The following LPIN2 variants were observed in gnomAD, a reference collection of about 807,000 sequenced individuals.
LPIN2 encodes the protein lipin 2, also known as phosphatidate phosphatase LPIN2.
A neutral mutation model predicts 111.4 loss-of-function variants in LPIN2; 55 were observed. The ratio of observed to expected loss-of-function variants is 0.49; its 90% CI spans 0.40 to 0.62. The LOEUF (loss-of-function observed/expected upper bound fraction) is 0.62, where lower values mean the gene tolerates loss of function less well. Among genes scored for constraint, LPIN2 ranks in the 20% least tolerant of loss-of-function variants. The pLI, the probability that LPIN2 is intolerant of heterozygous loss-of-function variation, is 0.00. For missense variants in LPIN2, 992 were observed against 1,112.1 expected (o/e 0.89, Z 1.54); for synonymous variants, 425 against 414.0 (o/e 1.03, Z -0.32).
intron 4 of LPIN2, among the ~76,000 whole-genome samples, chr18:2,944,178 C>T (rs2077409282): frequency 6.6e-6 from 1 of 151,010 alleles, no homozygotes; most frequent in Non-Finnish European, 1.5e-5. Context: ...ATAAATAAAG[C>T]ACAATATATA....
intron 1 of LPIN2, among the ~76,000 whole-genome samples, chr18:2,998,892 C>T (rs650787): frequency 6.6e-6 from 1 of 152,172 alleles, no homozygotes; most frequent in Non-Finnish European, 1.5e-5. Flanking sequence ...TAGAAACAAA[C>T]CAAGAGTGAA....
intron 4 of LPIN2, chr18:2,946,209 G>A: frequency 6.2e-7 from 1 of 1,606,836 alleles, no homozygotes; most frequent in African/African-American, 1.3e-5. Flanking sequence ...GGTTCATCTG[G>A]GCTTGGTCTT....
intron 3 of LPIN2, among the ~76,000 whole-genome samples, chr18:2,951,702 G>A (rs1367557745): frequency 1.3e-5 from 2 of 152,140 alleles, no homozygotes; most frequent in Admixed American, 6.5e-5. Flanking sequence ...AATCTCAGGA[G>A]GTGTTACAAA....
At chr18:2,999,038 A>G (rs935558443) in intron 1 of LPIN2, among the ~76,000 whole-genome samples, 4 of 152,238 alleles carry the variant, frequency 2.6e-5, no homozygotes, top group African/African-American at 9.6e-5. Flanking sequence ...ATTAGTGAAG[A>G]TAGGTGTAAC....
Position 2,917,137 on chromosome 18 carries a change from G to A in LPIN2, c.*3156C>T, listed in dbSNP as rs1186993422. The A allele has an allele frequency of 6.6e-6, 1 of 152,088 alleles. No homozygotes were observed. The highest frequency in any genetic ancestry group is 2.4e-5 in the African/African-American group (1 of 41,388). The allele number at this position is 152,088 out of a possible 1,614,324, so 9.4% of individuals were successfully genotyped here. On this transcript the variant is annotated 3_prime_UTR_variant, in exon 20 of 20. Transcript: ENST00000677752. ...ACTGATGATGTTTACAATTAACTTT[G>A]GACAACTTAAAACTTATTAGTGACA...
chr18:2,931,505 T>G, intron 8 of LPIN2, 62 bp from the exon 9 acceptor site: 1 of 1,500,244 alleles, frequency 6.7e-7, no homozygotes, highest in African/African-American at 1.4e-5. Flanking sequence ...CCTAGTTTAC[T>G]GCATGGTTCT....
intron 2 of LPIN2, among the ~76,000 whole-genome samples, chr18:2,955,529 C>G (rs573220288): frequency 8.6e-4 from 131 of 152,172 alleles, no homozygotes; most frequent in Non-Finnish European, 7.3e-4. Flanking sequence ...CCACCAGGCT[C>G]ACCTCTAACA....
At position 2,925,481 on chromosome 18, in the gene LPIN2, A is replaced by G; in HGVS notation, c.1794-113T>C. 7.2e-7 allele frequency: 1 copy of G among 1,398,146 alleles called. No homozygotes were observed. The highest frequency in any genetic ancestry group is 1.0e-6 in the Non-Finnish European group (1 of 999,750). 86.6% of individuals were successfully genotyped at this position (1,398,146 alleles called of 1,614,324 possible). Reference sequence around the variant, plus strand: ...TCCTAAATCTTTTCTAGGAATGGGTAGAGTTATCCCTTCTGCCATTCTCCC... The same window carrying G: ...TCCTAAATCTTTTCTAGGAATGGGTGGAGTTATCCCTTCTGCCATTCTCCC... On this transcript the variant is annotated intron_variant, in intron 13 of 19. Coordinates refer to ENST00000677752, the MANE Select transcript of LPIN2 (RefSeq NM_001375808.2). The surrounding 1 kb of genome is among the most constrained non-coding windows in gnomAD (Gnocchi z 4.1).
intron 6 of LPIN2, among the ~76,000 whole-genome samples, 154 bp from the exon 7 acceptor site, chr18:2,938,191 A>G (rs2077317574): frequency 6.6e-6 from 1 of 152,206 alleles, no homozygotes; most frequent in African/African-American, 2.4e-5. Context: ...ATAAAGTGAG[A>G]AAAACTAATA....
rs547702278 is a variant in LPIN2 at position 2,960,060 on chromosome 18, C to T, written c.192+589G>A. On this transcript the variant is annotated intron_variant, in intron 2 of 19. Transcript: ENST00000677752. ...TTGCACGTGCCTGTAATCCCAGGCA[C>T]TTGGGAGGCTGAGGCAGGAGAATCG... 4.6e-5 allele frequency among the ~76,000 whole-genome samples: 7 copies of T among 152,098 alleles called. No individual in the cohort carries two copies. The South Asian group carries it at 1.5e-3, about 32-fold the overall frequency.
At chr18:2,923,594 C>T (rs1016207932) in intron 16 of LPIN2, among the ~76,000 whole-genome samples, 181 bp downstream of exon 16, 1 of 152,114 alleles carries the variant, frequency 6.6e-6, no homozygotes, top group South Asian at 2.1e-4. Flanking sequence ...GACACAGGTT[C>T]GATGCCAATG....
At chr18:2,945,739 C>T (rs1739244862) in intron 4 of LPIN2, 1 of 1,199,122 alleles carries the variant, frequency 8.3e-7, no homozygotes, top group Admixed American at 1.7e-5. Context: ...CCTTCAAATA[C>T]AATATGCGCA....
chr18:2,983,392 A>C (rs987822622), intron 1 of LPIN2, among the ~76,000 whole-genome samples: 7 of 152,212 alleles, frequency 4.6e-5, no homozygotes, highest in Admixed American at 2.0e-4. Flanking sequence ...AGAATATGAT[A>C]ATGCAACACT....
intron 4 of LPIN2, among the ~76,000 whole-genome samples, chr18:2,941,674 C>A (rs1191584830): frequency 2.0e-5 from 3 of 152,222 alleles, no homozygotes; most frequent in Non-Finnish European, 4.4e-5. Flanking sequence ...TGCCTGTCAT[C>A]CCAGCACTTC....
At chr18:2,947,219 C>T (rs764375535) in intron 4 of LPIN2, among the ~76,000 whole-genome samples, 4 of 152,160 alleles carry the variant, frequency 2.6e-5, no homozygotes, top group Admixed American at 1.3e-4. Context: ...TTTGCTATTG[C>T]TGGGTATTTG....
intron 1 of LPIN2, among the ~76,000 whole-genome samples, chr18:2,987,893 G>T (rs990462909): frequency 1.3e-5 from 2 of 151,606 alleles, no homozygotes; most frequent in Non-Finnish European, 2.9e-5. Context: ...ACAAGAATTA[G>T]CTGAGTGTGG....
At chr18:2,978,500 T>C (rs989957775) in intron 1 of LPIN2, among the ~76,000 whole-genome samples, 3 of 152,152 alleles carry the variant, frequency 2.0e-5, no homozygotes, top group African/African-American at 7.2e-5. Flanking sequence ...CAACAAAATA[T>C]CTGACCAGTG....
intron 1 of LPIN2, among the ~76,000 whole-genome samples, chr18:3,002,221 T>C (rs2078443522): frequency 9.3e-6 from 1 of 107,926 alleles, no homozygotes; most frequent in Non-Finnish European, 1.8e-5. Context: ...TTTAAAAGGA[T>C]GACCTTCAAA....
chr18:2,939,596 G>C lies in LPIN2; in HGVS notation c.706C>G (p.Pro236Ala). 3 of 1,613,396 alleles carry C rather than the reference G, an allele frequency of 1.9e-6. No individual in the cohort carries two copies. Among genetic ancestry groups the C allele is most frequent in the Non-Finnish European group, 2.5e-6 (3 of 1,179,776 alleles). ...GDWSPLETTYPQTACPKSDSE... is the reference protein window; with the variant it reads ...GDWSPLETTYAQTACPKSDSE... ...TCACTCTTAGGACACGCTGTCTGGG[G>C]ATAGGTGCTGCAAAGAGAACAAAGA... Residue 236 changes from proline to alanine, a missense_variant, in exon 6 of 20, where the codon CCC becomes GCC. Coordinates refer to ENST00000677752, the MANE Select transcript of LPIN2 (RefSeq NM_001375808.2).
Sources: allele counts gnomAD v4.1 joint callset (sites outside exome capture counted in the v4.1 genomes callset), GRCh38; gene constraint gnomAD v4.1.1; non-coding constraint Gnocchi (gnomAD v3.1); transcripts MANE v1.5; gene names NCBI Gene and HGNC (gene_info 2026-07-23, HGNC 2026-07-21).